ROR2: variants seen among roughly 807,000 people sequenced by gnomAD.
ROR2 encodes tyrosine-protein kinase transmembrane receptor ROR2.
A neutral mutation model predicts 74.9 loss-of-function variants in ROR2; 33 were observed. The ratio of observed to expected loss-of-function variants is 0.44; its 90% CI spans 0.33 to 0.59. The LOEUF is 0.59. ROR2 is among the 20% of genes least tolerant of loss of function. ROR2 has a pLI of 0.02. For missense variants in ROR2, 1,216 were observed against 1,313.8 expected (o/e 0.93, Z 1.15); for synonymous variants, 586 against 558.7 (o/e 1.05, Z -0.69).
chr9:91,936,938 G>C (rs978752435), intron 1 of ROR2, among the ~76,000 whole-genome samples: 1 of 147,010 alleles, frequency 6.8e-6, no homozygotes, highest in Non-Finnish European at 1.5e-5. Flanking sequence ...GCTGAGGCAG[G>C]GGAATGGCGT....
intron 4 of ROR2, among the ~76,000 whole-genome samples, chr9:91,754,882 T>C (rs778733315): frequency 3.1e-4 from 47 of 152,150 alleles, no homozygotes; most frequent in Admixed American, 1.3e-4. Context: ...TCAGGTGTGG[T>C]GGCACACACC....
chr9:91,877,306 C>A lies in ROR2; in HGVS notation c.97+72561G>T, dbSNP rs550113276. Among the ~76,000 whole-genome samples, 11 of 152,318 alleles carry A rather than the reference C, an allele frequency of 7.2e-5. No homozygotes were observed. The South Asian group carries it at 1.7e-3, about 23-fold the overall frequency. On this transcript the variant is annotated intron_variant, in intron 1 of 8. Transcript: ENST00000375708. ...CACCACCATACACACAAGGTTTCAT[C>A]CATACTTCCTGAAAGAAGGTGATCA...
At chr9:91,782,105 G>A (rs951203659) in intron 1 of ROR2, among the ~76,000 whole-genome samples, 1 of 152,202 alleles carries the variant, frequency 6.6e-6, no homozygotes, top group Non-Finnish European at 1.5e-5. Context: ...GGCCGGGCTG[G>A]GAGGCCAAAT....
chr9:91,846,086 GCTT>G (rs1828921355), intron 1 of ROR2, among the ~76,000 whole-genome samples: 1 of 152,062 alleles, frequency 6.6e-6, no homozygotes, highest in Admixed American at 6.6e-5. Context: ...TCCCGGCTGG[GCTT>G]CTACAACAAT....
At chr9:91,748,285 A>C (rs1196102021) in intron 4 of ROR2, among the ~76,000 whole-genome samples, 1 of 149,650 alleles carries the variant, frequency 6.7e-6, no homozygotes, top group Non-Finnish European at 1.5e-5. Context: ...TCAAAAAAAA[A>C]AAAATGCCAA....
intron 1 of ROR2, among the ~76,000 whole-genome samples, chr9:91,833,212 A>G (rs72746206): frequency 0.37 from 56,553 of 151,726 alleles, 11,786 homozygotes; most frequent in African/African-American, 0.54. Context: ...GGGAGGGAGG[A>G]AGGACCCCCA....
chr9:91,910,809 G>A (rs1300818566), intron 1 of ROR2, among the ~76,000 whole-genome samples: 4 of 152,008 alleles, frequency 2.6e-5, no homozygotes, highest in Admixed American at 6.6e-5. Flanking sequence ...GATTAGAGGC[G>A]TGTACCACCA....
chr9:91,835,485 G>A (rs1828585747), intron 1 of ROR2, among the ~76,000 whole-genome samples: 1 of 152,002 alleles, frequency 6.6e-6, no homozygotes, highest in African/African-American at 2.4e-5. Context: ...ACTGGGGGCT[G>A]CCCTGACATG....
chr9:91,790,467 G>A (rs2312730), intron 1 of ROR2, among the ~76,000 whole-genome samples: 8,788 of 150,044 alleles, frequency 0.059, 484 homozygotes, highest in Admixed American at 0.16. Flanking sequence ...CCAAGATCGC[G>A]CCACTGCACT....
chr9:91,800,658 A>G (rs1020431764), intron 1 of ROR2, among the ~76,000 whole-genome samples: 3 of 152,222 alleles, frequency 2.0e-5, no homozygotes, highest in African/African-American at 7.2e-5. Flanking sequence ...TCAAGATGGA[A>G]AACAGGAAGG....
Position 91,731,123 on chromosome 9 carries a change from A to C in ROR2, c.970T>G (p.Tyr324Asp). The change falls in exon 7 of 9, where the codon TAC (tyrosine) becomes GAC (aspartate). Residue 324 changes from tyrosine (Y) to aspartate (D), a missense_variant. Tyr to Asp is a radical substitution (Grantham distance 160). Coordinates refer to ENST00000375708, the MANE Select transcript of ROR2 (RefSeq NM_004560.4). The part of the protein sequence containing the change: ...HQCYNGSGMD[Y>D]RGTASTTKSG... ...TTGGTGGTGCTTGCCGTTCCTCTGT[A>C]ATCCATGCCTGAGCCGTTATAGCAC... 1 of 1,614,088 alleles carries C rather than the reference A, an allele frequency of 6.2e-7. No individual in the cohort carries two copies. The highest frequency in any genetic ancestry group is 8.5e-7 in the Non-Finnish European group (1 of 1,180,024).
In ROR2 at chr9:91,825,224, C is replaced by T. The variant is rs112066617; in HGVS notation, c.98-49406G>A. The stretch of plus-strand genomic sequence containing the variant: ...CGGTAATCAGGGAAGGCTGAGGACA[C>T]GCAATAAAGTTAAAGCTTGCTCGAG... On this transcript the variant is annotated intron_variant, in intron 1 of 8. Transcript: ENST00000375708. Among the ~76,000 whole-genome samples, 460 of 152,240 alleles carry T rather than the reference C, an allele frequency of 3.0e-3. 4 individuals are homozygous for T. The highest frequency in any genetic ancestry group is 9.8e-3 in the African/African-American group (409 of 41,530).
At chr9:91,781,385 T>G (rs1426177124) in intron 1 of ROR2, among the ~76,000 whole-genome samples, 6 of 152,152 alleles carry the variant, frequency 3.9e-5, no homozygotes, top group African/African-American at 7.2e-5. Flanking sequence ...CAACAACTAC[T>G]CAGCTCGGCA....
chr9:91,883,142 A>C (rs1564018283), intron 1 of ROR2: 1 of 152,226 alleles, frequency 6.6e-6, no homozygotes, highest in Non-Finnish European at 1.5e-5. Flanking sequence ...TACAAAACCC[A>C]AATCTGAAAC....
chr9:91,868,645 G>T (rs1209529819), intron 1 of ROR2, among the ~76,000 whole-genome samples: 1 of 152,098 alleles, frequency 6.6e-6, no homozygotes, highest in African/African-American at 2.4e-5. Context: ...AACAATGAAG[G>T]CCAGAAGGAT....
chr9:91,910,668 CTT>C (rs59785963), intron 1 of ROR2, among the ~76,000 whole-genome samples: 3 of 147,268 alleles, frequency 2.0e-5, no homozygotes, highest in African/African-American at 7.4e-5. Context: ...ATATGTAATA[CTT>C]TTTTTTTTTT....
chr9:91,778,953 T>A (rs1691776111), intron 1 of ROR2, among the ~76,000 whole-genome samples: 2 of 152,158 alleles, frequency 1.3e-5, no homozygotes, highest in Admixed American at 1.3e-4. Context: ...GTGGCTGGTA[T>A]AATGAAATGA....
intron 1 of ROR2, among the ~76,000 whole-genome samples, chr9:91,869,443 C>A (rs1449750871): frequency 6.6e-6 from 1 of 152,058 alleles, no homozygotes; most frequent in Non-Finnish European, 1.5e-5. Flanking sequence ...AATGGATAAG[C>A]GAACCGTGAA....
chr9:91,922,577 C>T (rs7866775), intron 1 of ROR2, among the ~76,000 whole-genome samples: 32,617 of 151,912 alleles, frequency 0.21, 3,961 homozygotes, highest in Admixed American at 0.3. Context: ...CCTCAGCCTC[C>T]GAAGTAGCTG....
Sources: gnomAD v4.1 joint callset for allele counts (sites outside exome capture counted in the v4.1 genomes callset) on GRCh38, gnomAD v4.1.1 for gene constraint, MANE v1.5 for transcripts, NCBI Gene and HGNC (gene_info 2026-07-23, HGNC 2026-07-21) for gene names.